The following NSDHL variants were observed in gnomAD, a reference collection of about 807,000 sequenced individuals.
NSDHL encodes the protein sterol-4-alpha-carboxylate 3-dehydrogenase, decarboxylating.
A neutral mutation model predicts 23.0 loss-of-function variants in NSDHL; 1 was observed. That is an observed-to-expected ratio of 0.04 (90% confidence interval 0.02 to 0.21). The LOEUF (loss-of-function observed/expected upper bound fraction) is 0.21. NSDHL is among the 10% of genes least tolerant of loss of function. The pLI, the probability that NSDHL is intolerant of heterozygous loss-of-function variation, is 1.00. For synonymous variants in NSDHL, 128 were observed against 121.1 expected, an observed-to-expected ratio of 1.06 and a Z score of -0.37; for missense variants, 237 against 300.9, an observed-to-expected ratio of 0.79 and a Z score of 1.57.
At chrX:152,864,571 A>C (rs1569474998) in intron 5 of NSDHL, among the ~76,000 whole-genome samples, 1 of 112,096 alleles carries the variant, frequency 8.9e-6, no homozygotes, top group East Asian at 2.8e-4. Context: ...AACTGGAAAT[A>C]AGCAAAGCCT....
At chrX:152,831,972 T>C (rs1021195438) in intron 1 of NSDHL, among the ~76,000 whole-genome samples, 3 of 111,546 alleles carry the variant, frequency 2.7e-5, no homozygotes, top group Non-Finnish European at 5.7e-5. Context: ...GTGAACAGAT[T>C]CCTGACTTTT....
At chrX:152,846,994 A>G (rs998630029) in intron 2 of NSDHL, among the ~76,000 whole-genome samples, 2 of 112,294 alleles carry the variant, frequency 1.8e-5, no homozygotes, top group Non-Finnish European at 3.8e-5. Flanking sequence ...TTGATTCTTA[A>G]TCAGTGCTGC....
intron 3 of NSDHL, among the ~76,000 whole-genome samples, chrX:152,857,959 G>A (rs1556847123): frequency 1.8e-5 from 2 of 112,329 alleles, no homozygotes. Flanking sequence ...ATCATACTTA[G>A]ATCATATTAC....
At chrX:152,833,599 CA>C (rs1373996900) in intron 1 of NSDHL, among the ~76,000 whole-genome samples, 1 of 112,271 alleles carries the variant, frequency 8.9e-6, no homozygotes, top group African/African-American at 3.2e-5. Flanking sequence ...GGCTCTGTGC[CA>C]TCACTTTGTC....
chrX:152,864,322 T>C (rs186366145), intron 5 of NSDHL, among the ~76,000 whole-genome samples: 8 of 112,398 alleles, frequency 7.1e-5, no homozygotes, highest in African/African-American at 2.6e-4. Context: ...CAGTCCTGGC[T>C]CCAGACTATG....
chrX:152,863,143 T>TAG (rs782310559), intron 5 of NSDHL, among the ~76,000 whole-genome samples: 46 of 108,211 alleles, frequency 4.3e-4, no homozygotes, highest in Non-Finnish European at 5.9e-4. Context: ...GCCTGGGGGA[T>TAG]AGAGAGAGAG....
intron 5 of NSDHL, among the ~76,000 whole-genome samples, chrX:152,864,676 A>C (rs1933579954): frequency 8.9e-6 from 1 of 112,113 alleles, no homozygotes; most frequent in African/African-American, 3.2e-5. Flanking sequence ...ATCATAAACC[A>C]AATGTGATGG....
chrX:152,848,257 C>T (rs888575288), intron 2 of NSDHL, among the ~76,000 whole-genome samples: 2 of 111,912 alleles, frequency 1.8e-5, no homozygotes, highest in Non-Finnish European at 3.8e-5. Flanking sequence ...GAGTTTTATA[C>T]TTGATTGTTA....
rs151248633 is a variant in NSDHL, at chrX:152,869,102, C to A, written c.1108C>A (p.Arg370=). The A allele has an allele frequency of 9.1e-6, 11 of 1,208,194 alleles. No homozygotes were observed. Among genetic ancestry groups the A allele is most frequent in the Non-Finnish European group, 9.0e-6 (8 of 893,104 alleles). The part of the protein sequence containing the change: ...ERTVQSFRHL[R]RVK ...GACCGTGCAGAGCTTTCGCCACCTGCGGAGGGTCAAGTGAGGGACACTGGA... is the reference window on the plus strand; with the variant it reads ...GACCGTGCAGAGCTTTCGCCACCTGAGGAGGGTCAAGTGAGGGACACTGGA... The change falls in exon 8 of 8, where the codon CGG becomes AGG. Residue 370 remains arginine, a synonymous_variant. Transcript: ENST00000370274.
chrX:152,852,996 A>G (rs374638236), intron 3 of NSDHL, among the ~76,000 whole-genome samples: 9 of 110,274 alleles, frequency 8.2e-5, no homozygotes, highest in African/African-American at 3.0e-4. Flanking sequence ...TGCAGACTCC[A>G]GAACTTATTC....
chrX:152,841,334 C>T (rs1933189152), intron 1 of NSDHL, among the ~76,000 whole-genome samples: 1 of 112,830 alleles, frequency 8.9e-6, no homozygotes, highest in African/African-American at 3.2e-5. Context: ...CCAGTCCCAA[C>T]GAGGTGAACC....
chrX:152,858,717 C>T, intron 3 of NSDHL, 53 bp from the exon 4 acceptor site: 11 of 1,138,226 alleles, frequency 9.7e-6, no homozygotes, highest in Non-Finnish European at 1.3e-5. Flanking sequence ...CATGAGAATG[C>T]CATTGACCTG....
intron 1 of NSDHL, among the ~76,000 whole-genome samples, chrX:152,841,622 G>T (rs1266898911): frequency 8.9e-6 from 1 of 111,880 alleles, no homozygotes; most frequent in Non-Finnish European, 1.9e-5. Context: ...AGTGTACATC[G>T]TGGGTGCACA....
chrX:152,834,141 A>G (rs1017772880), intron 1 of NSDHL, among the ~76,000 whole-genome samples: 2 of 111,869 alleles, frequency 1.8e-5, no homozygotes, highest in Non-Finnish European at 3.8e-5. Flanking sequence ...GAGTGTGAGG[A>G]TGAGAGCAGA....
At chrX:152,865,992 T>C (rs1381389050) in intron 6 of NSDHL, 31 bp downstream of exon 6, 2 of 1,201,582 alleles carry the variant, frequency 1.7e-6, no homozygotes, top group African/African-American at 3.5e-5. Flanking sequence ...TCTTCCCTAG[T>C]CCTTCCTGGT....
rs782544106 is a variant in NSDHL at position 152,856,501 on chromosome X, A to G, written c.268-2269A>G. 5.3e-4 allele frequency among the ~76,000 whole-genome samples: 59 copies of G among 111,594 alleles called. No individual in the cohort carries two copies. The South Asian group carries it at 9.6e-3, about 18-fold the overall frequency. Reference sequence around the variant, plus strand: ...TACTCCAATAGTAATAAGCATGCCTAGTGCTCAGATTTGGGTTTCTATATA... The same window carrying G: ...TACTCCAATAGTAATAAGCATGCCTGGTGCTCAGATTTGGGTTTCTATATA... On this transcript the variant is annotated intron_variant, in intron 3 of 7. Transcript: ENST00000370274.
At chrX:152,867,237 A>G (rs1556848185) in intron 6 of NSDHL, among the ~76,000 whole-genome samples, 1 of 112,149 alleles carries the variant, frequency 8.9e-6, no homozygotes, top group Non-Finnish European at 1.9e-5. Flanking sequence ...ACGGAGGACC[A>G]GAGCAAGGCG....
intron 1 of NSDHL, among the ~76,000 whole-genome samples, chrX:152,838,194 T>A (rs1271365485): frequency 4.5e-5 from 5 of 112,172 alleles, no homozygotes; most frequent in Admixed American, 1.9e-4. Flanking sequence ...TCTTTTCTTC[T>A]TTATTAGTCT....
intron 5 of NSDHL, among the ~76,000 whole-genome samples, chrX:152,863,167 C>CA (rs1222537815): frequency 0.028 from 2,810 of 100,063 alleles, 94 homozygotes; most frequent in African/African-American, 0.095. Flanking sequence ...CGCTGTCTCC[C>CA]AAAAAAAAAA....
Sources: allele counts gnomAD v4.1 joint callset (sites outside exome capture counted in the v4.1 genomes callset), GRCh38; gene constraint gnomAD v4.1.1; transcripts MANE v1.5; gene names NCBI Gene and HGNC (gene_info 2026-07-23, HGNC 2026-07-21).